PID1: variants seen among roughly 807,000 people sequenced by gnomAD.
PID1 encodes the protein PTB-containing, cubilin and LRP1-interacting protein.
PID1 carries 10 observed loss-of-function variants against 19.1 expected under a neutral mutation model. That is an observed-to-expected ratio of 0.52 (90% CI 0.32 to 0.89). PID1 has a LOEUF of 0.89. Ranked by LOEUF, PID1 falls within the 40% of genes least tolerant of loss-of-function variation. PID1 has a pLI of 0.03. For synonymous variants in PID1, 130 were observed against 116.0 expected (o/e 1.12, Z -0.78); for missense variants, 248 against 285.3 (o/e 0.87, Z 0.94).
intron 1 of PID1, among the ~76,000 whole-genome samples, chr2:229,222,621 T>A (rs1314014260): frequency 1.3e-5 from 2 of 152,026 alleles, no homozygotes; most frequent in Middle Eastern, 3.4e-3. Context: ...GTGAAGCAGG[T>A]TGTCCTCCCC....
At chr2:229,129,152 C>T (rs1399769700) in intron 2 of PID1, among the ~76,000 whole-genome samples, 3 of 152,144 alleles carry the variant, frequency 2.0e-5, no homozygotes, top group African/African-American at 7.2e-5. Context: ...AGGACTTGAG[C>T]CCAAGCCCCG....
At chr2:229,209,762 T>C (rs909379124) in intron 1 of PID1, among the ~76,000 whole-genome samples, 1 of 152,204 alleles carries the variant, frequency 6.6e-6, no homozygotes, top group African/African-American at 2.4e-5. Flanking sequence ...CTATTCTTTT[T>C]TCTCTCCTAG....
At position 229,199,751 on chromosome 2, in the gene PID1, T is replaced by TAC. The variant is rs142246557; in HGVS notation, c.31-43789_31-43788dup. Among the ~76,000 whole-genome samples, 987 of 140,188 alleles carry TAC rather than the reference T, an allele frequency of 7.0e-3. 11 individuals carry two copies. The highest frequency in any genetic ancestry group is 0.022 in the African/African-American group (810 of 37,332). The allele number at this position is 140,188 out of a possible 152,430, so 92.0% of individuals were successfully genotyped here. ...ATATATATATATATATATATACACA[T>TAC]ACACACACACACACACATATATATA... On this transcript the variant is annotated intron_variant, in intron 1 of 2. Coordinates refer to ENST00000392055, the MANE Select transcript of PID1 (RefSeq NM_001100818.2).
At chr2:229,040,893 C>A (rs1693757596) in intron 2 of PID1, among the ~76,000 whole-genome samples, 1 of 152,094 alleles carries the variant, frequency 6.6e-6, no homozygotes, top group African/African-American at 2.4e-5. Flanking sequence ...TGTTGAGAAC[C>A]ATGTTTCTCA....
At chr2:229,127,309 A>T (rs372989623) in intron 2 of PID1, among the ~76,000 whole-genome samples, 1 of 151,996 alleles carries the variant, frequency 6.6e-6, no homozygotes, top group East Asian at 1.9e-4. Flanking sequence ...TTCCTACTAC[A>T]TTTTTTTCAG....
intron 2 of PID1, among the ~76,000 whole-genome samples, chr2:229,114,199 AC>A (rs1695364457): frequency 1.4e-5 from 2 of 147,932 alleles, no homozygotes; most frequent in African/African-American, 5.0e-5. Flanking sequence ...ACACACACAC[AC>A]AACACAACAC....
chr2:229,240,840 A>G (rs1256468460), intron 1 of PID1, among the ~76,000 whole-genome samples: 1 of 152,134 alleles, frequency 6.6e-6, no homozygotes, highest in Non-Finnish European at 1.5e-5. Context: ...TGGGACTGCA[A>G]TCACATGTAT....
chr2:229,086,127 T>G, intron 2 of PID1, among the ~76,000 whole-genome samples: 1 of 152,250 alleles, frequency 6.6e-6, no homozygotes, highest in East Asian at 1.9e-4. Flanking sequence ...TAATTAGTTT[T>G]GGGTGATTTC....
intron 2 of PID1, among the ~76,000 whole-genome samples, chr2:229,074,266 G>C (rs1694513748): frequency 6.6e-6 from 1 of 152,064 alleles, no homozygotes; most frequent in Non-Finnish European, 1.5e-5. Flanking sequence ...TTCTGGGAAA[G>C]AGACCTGTCC....
intron 2 of PID1, among the ~76,000 whole-genome samples, chr2:229,113,467 GAT>G (rs1695341695): frequency 7.4e-6 from 1 of 134,634 alleles, no homozygotes; most frequent in African/African-American, 2.8e-5. Flanking sequence ...CACACACATA[GAT>G]ATGTGTGTAT....
At chr2:229,026,143 C>T (rs772603326) in intron 2 of PID1, 35 bp from the exon 3 acceptor site, 2 of 1,423,596 alleles carry the variant, frequency 1.4e-6, no homozygotes, top group South Asian at 1.2e-5. Context: ...AGGGAGGCAT[C>T]AGCAGAAGGC....
rs140117351 is a variant in PID1 at position 229,092,339 on chromosome 2, T to A, written c.177+63479A>T. ...ATCACTTGAGCATAGAGAGCACTTA[T>A]CTGAAACAAGTGAAAAGCAAAGATG... is the stretch of plus-strand genomic sequence containing the variant. On this transcript the variant is annotated intron_variant, in intron 2 of 2. Coordinates refer to ENST00000392055, the MANE Select transcript of PID1 (RefSeq NM_001100818.2). 2.2e-3 allele frequency among the ~76,000 whole-genome samples: 336 copies of A among 152,276 alleles called. 9 individuals carry two copies. The East Asian group carries it at 0.059, about 27-fold the overall frequency.
chr2:229,100,594 T>C (rs572259966), intron 2 of PID1, among the ~76,000 whole-genome samples: 1 of 152,314 alleles, frequency 6.6e-6, no homozygotes, highest in East Asian at 1.9e-4. Context: ...CCAGATTCCC[T>C]GGTCTTCTGT....
chr2:229,100,023 G>C (rs1695044953), intron 2 of PID1, among the ~76,000 whole-genome samples: 1 of 152,120 alleles, frequency 6.6e-6, no homozygotes, highest in Non-Finnish European at 1.5e-5. Context: ...GCCCTTATAA[G>C]AAGACACACC....
intron 2 of PID1, among the ~76,000 whole-genome samples, chr2:229,125,695 C>T (rs146961684): frequency 6.6e-6 from 1 of 152,282 alleles, no homozygotes; most frequent in African/African-American, 2.4e-5. Context: ...GATGAGGATA[C>T]ACGGTTTTGC....
intron 2 of PID1, among the ~76,000 whole-genome samples, chr2:229,112,328 T>C (rs550775606): frequency 1.3e-5 from 2 of 152,324 alleles, no homozygotes; most frequent in African/African-American, 2.4e-5. Context: ...GAAAATGCCA[T>C]TGATGATTGT....
At chr2:229,144,253 C>T (rs1170030718) in intron 2 of PID1, among the ~76,000 whole-genome samples, 1 of 152,068 alleles carries the variant, frequency 6.6e-6, no homozygotes, top group African/African-American at 2.4e-5. Flanking sequence ...TCCAACACAG[C>T]AGAGCAACAG....
intron 1 of PID1, among the ~76,000 whole-genome samples, chr2:229,242,964 T>C (rs561760971): frequency 2.0e-5 from 3 of 152,268 alleles, no homozygotes; most frequent in Admixed American, 6.5e-5. Context: ...AGGGTAATCT[T>C]CTCTACCTAC....
intron 1 of PID1, among the ~76,000 whole-genome samples, chr2:229,228,663 T>C (rs955241812): frequency 1.3e-5 from 2 of 152,220 alleles, no homozygotes; most frequent in Admixed American, 6.5e-5. Context: ...TGTGTATATA[T>C]GTGTAGTTTA....
Sources: gnomAD v4.1 joint callset for allele counts (sites outside exome capture counted in the v4.1 genomes callset) on GRCh38, gnomAD v4.1.1 for gene constraint, MANE v1.5 for transcripts, NCBI Gene and HGNC (gene_info 2026-07-23, HGNC 2026-07-21) for gene names.